Variants in ADAMTS18 observed in about 807,000 individuals in gnomAD.
ADAMTS18 encodes the protein A disintegrin and metalloproteinase with thrombospondin motifs 18.
A neutral mutation model predicts 165.9 loss-of-function variants in ADAMTS18; 157 were observed. That is an observed-to-expected ratio of 0.95 (90% CI 0.83 to 1.08). ADAMTS18 has a LOEUF of 1.08. Ranked by LOEUF, ADAMTS18 falls within the 50% of genes least tolerant of loss-of-function variation. The pLI is 0.00. For synonymous variants in ADAMTS18, 782 were observed against 578.2 expected, an observed-to-expected ratio of 1.35 and a Z score of -5.06; for missense variants, 2,040 against 1,534.0, an observed-to-expected ratio of 1.33 and a Z score of -5.51.
At chr16:77,297,244 A>G (rs908755255) in intron 18 of ADAMTS18, 45 bp downstream of exon 18, 1 of 1,611,978 alleles carries the variant, frequency 6.2e-7, no homozygotes, top group Non-Finnish European at 8.5e-7. Flanking sequence ...CAATGAAGGC[A>G]TACAAGTACA....
chr16:77,293,312 A>G (rs1019450001), intron 19 of ADAMTS18, 54 bp from the exon 20 acceptor site: 23 of 1,386,756 alleles, frequency 1.7e-5, no homozygotes, highest in Non-Finnish European at 2.2e-5. Context: ...CAGTAGCCAC[A>G]TTAAAAAAAA....
chr16:77,367,367 T>A, intron 4 of ADAMTS18, 74 bp downstream of exon 4: 1 of 1,584,084 alleles, frequency 6.3e-7, no homozygotes, highest in South Asian at 1.1e-5. Flanking sequence ...GCAAAGCTTG[T>A]ACACCCAACA....
intron 20 of ADAMTS18, among the ~76,000 whole-genome samples, chr16:77,291,984 T>C (rs780728724): frequency 1.3e-5 from 2 of 152,170 alleles, no homozygotes; most frequent in Non-Finnish European, 2.9e-5. Context: ...GGTAACATGA[T>C]GAGGGTCAAA....
intron 18 of ADAMTS18, among the ~76,000 whole-genome samples, chr16:77,296,826 C>G (rs1373338125): frequency 6.6e-6 from 1 of 151,860 alleles, no homozygotes; most frequent in Non-Finnish European, 1.5e-5. Context: ...TGTTCCTCCT[C>G]CCCTCCAAAA....
rs531738772 is a variant in ADAMTS18, at chr16:77,338,389, G to A, written c.1711-2485C>T. On this transcript the variant is annotated intron_variant, in intron 11 of 22. Transcript: ENST00000282849. ...TAGCTGGGATTACTGGCGTGCACCA[G>A]CATGCTCAGGTAATTTTTTGTATTT... 3.6e-4 allele frequency among the ~76,000 whole-genome samples: 54 copies of A among 151,914 alleles called. No homozygotes were observed. In the South Asian group the frequency reaches 0.011, roughly 31 times the overall value.
chr16:77,376,164 A>C (rs1055782866), intron 3 of ADAMTS18, among the ~76,000 whole-genome samples: 32 of 152,086 alleles, frequency 2.1e-4, no homozygotes, highest in African/African-American at 7.2e-4. Context: ...CAGACTCCCA[A>C]AGTGCTGGGA....
chr16:77,371,922 CA>C (rs1232517856), intron 3 of ADAMTS18, among the ~76,000 whole-genome samples: 6 of 151,878 alleles, frequency 4.0e-5, no homozygotes, highest in Admixed American at 3.9e-4. Context: ...AACTCATCAG[CA>C]AAAAATAACA....
At chr16:77,313,449 T>A (rs2055822006) in intron 16 of ADAMTS18, among the ~76,000 whole-genome samples, 1 of 145,088 alleles carries the variant, frequency 6.9e-6, no homozygotes, top group African/African-American at 2.5e-5. Context: ...ATAATAAAAA[T>A]AAAATAAATA....
intron 3 of ADAMTS18, 83 bp downstream of exon 3, chr16:77,431,212 A>G: frequency 6.8e-7 from 1 of 1,461,494 alleles, no homozygotes. Flanking sequence ...TGGCTGGAAG[A>G]GCATTTATAT....
At chr16:77,414,111 T>C (rs539953885) in intron 3 of ADAMTS18, among the ~76,000 whole-genome samples, 199 of 152,322 alleles carry the variant, frequency 1.3e-3, no homozygotes, top group Non-Finnish European at 2.4e-3. Context: ...AAGTATATAA[T>C]GGCCAAGTGC....
chr16:77,353,620 G>C lies in ADAMTS18; in HGVS notation c.1614+113C>G, dbSNP rs867110588. 25 of 1,428,408 alleles carry C rather than the reference G, an allele frequency of 1.8e-5. No individual in the cohort carries two copies. The Middle Eastern group carries it at 6.2e-4, about 35-fold the overall frequency. 88.5% of individuals were successfully genotyped at this position (1,428,408 alleles called of 1,614,324 possible). The stretch of plus-strand genomic sequence containing the variant: ...CATGCCAAACAACTGACACGGTAGA[G>C]ATAACCCAGAACCTAACCCTTGGCC... On this transcript the variant is annotated intron_variant, in intron 10 of 22. Coordinates refer to ENST00000282849, the MANE Select transcript of ADAMTS18 (RefSeq NM_199355.4).
chr16:77,357,983 G>T (rs964282027), intron 8 of ADAMTS18, among the ~76,000 whole-genome samples: 1 of 152,192 alleles, frequency 6.6e-6, no homozygotes, highest in Non-Finnish European at 1.5e-5. Context: ...TCAATGACCA[G>T]TATTTTGAAA....
intron 3 of ADAMTS18, among the ~76,000 whole-genome samples, chr16:77,368,967 G>C (rs1385876747): frequency 6.6e-6 from 1 of 152,296 alleles, no homozygotes; most frequent in Middle Eastern, 3.4e-3. Context: ...ATGCACCCTT[G>C]TCTTTCTTTC....
In ADAMTS18 at chr16:77,434,869, G is replaced by C; in HGVS notation, c.-174C>G. Reference sequence around the variant, plus strand: ...CGCTGGGACCTCCCCTCCTCCGGCCGCCTGCGCGCCCTCCCTTCTCCCGGC... The same window carrying C: ...CGCTGGGACCTCCCCTCCTCCGGCCCCCTGCGCGCCCTCCCTTCTCCCGGC... On this transcript the variant is annotated 5_prime_UTR_variant, in exon 1 of 23. Coordinates refer to ENST00000282849, the MANE Select transcript of ADAMTS18 (RefSeq NM_199355.4). The C allele has an allele frequency of 2.1e-6, 1 of 469,630 alleles. No individual in the cohort carries two copies. Among genetic ancestry groups the C allele is most frequent in the Non-Finnish European group, 3.4e-6 (1 of 290,966 alleles). 29.1% of individuals were successfully genotyped at this position (469,630 alleles called of 1,614,324 possible). A position where few individuals can be genotyped will look rare whatever the true frequency, so the allele number is the denominator to read the frequency against.
intron 3 of ADAMTS18, among the ~76,000 whole-genome samples, chr16:77,410,315 A>C (rs1281583727): frequency 6.6e-6 from 1 of 151,992 alleles, no homozygotes; most frequent in Non-Finnish European, 1.5e-5. Context: ...AAATTCCTAC[A>C]AAGAATCAAA....
At chr16:77,370,891 T>A (rs1239432939) in intron 3 of ADAMTS18, among the ~76,000 whole-genome samples, 7 of 151,708 alleles carry the variant, frequency 4.6e-5, no homozygotes, top group African/African-American at 1.7e-4. Flanking sequence ...TGAAACAAAT[T>A]GAAGAGAATG....
chr16:77,289,010 G>A (rs372723098), intron 22 of ADAMTS18, among the ~76,000 whole-genome samples: 20 of 152,240 alleles, frequency 1.3e-4, no homozygotes, highest in Admixed American at 2.6e-4. Flanking sequence ...GCATGAACCC[G>A]GGAGGCAGAG....
At chr16:77,353,694 A>C in intron 10 of ADAMTS18, 39 bp downstream of exon 10, 1 of 1,613,948 alleles carries the variant, frequency 6.2e-7, no homozygotes, top group Non-Finnish European at 8.5e-7. Context: ...GACACATTGC[A>C]GAGTCTTAAT....
At chr16:77,321,306 A>G in intron 14 of ADAMTS18, 104 bp from the exon 15 acceptor site, 1 of 1,462,170 alleles carries the variant, frequency 6.8e-7, no homozygotes, top group Non-Finnish European at 9.4e-7. Context: ...AACATTAGGG[A>G]AGCAGTACAG....
Sources: allele counts gnomAD v4.1 joint callset (sites outside exome capture counted in the v4.1 genomes callset), GRCh38; gene constraint gnomAD v4.1.1; transcripts MANE v1.5; gene names NCBI Gene and HGNC (gene_info 2026-07-23, HGNC 2026-07-21).